Variants in SNX9 observed in about 807,000 individuals in gnomAD.
SNX9 encodes sorting nexin 9, also known as sorting nexin-9.
Under a neutral mutation model 89.4 loss-of-function variants are expected in SNX9, and 44 were observed. The observed-to-expected ratio is 0.49, with a 90% CI of 0.39 to 0.63. The LOEUF (loss-of-function observed/expected upper bound fraction) is 0.63. Ranked by LOEUF, SNX9 falls within the 30% of genes least tolerant of loss-of-function variation. The pLI is 0.00. For synonymous variants in SNX9, 236 were observed against 247.8 expected (o/e 0.95, Z 0.45); for missense variants, 578 against 736.1 (o/e 0.79, Z 2.49).
intron 14 of SNX9, among the ~76,000 whole-genome samples, chr6:157,936,402 G>A (rs1783926157): frequency 6.6e-6 from 1 of 152,228 alleles, no homozygotes; most frequent in African/African-American, 2.4e-5. Flanking sequence ...CCAGCTACTC[G>A]GGAGGCTGAG....
intron 1 of SNX9, among the ~76,000 whole-genome samples, chr6:157,832,948 G>A (rs1014693495): frequency 6.6e-6 from 1 of 152,156 alleles, no homozygotes; most frequent in Admixed American, 6.5e-5. Context: ...CAGCTCCACA[G>A]TCTGCAAGTC....
At chr6:157,888,342 GT>G (rs546978913) in intron 4 of SNX9, among the ~76,000 whole-genome samples, 142 of 152,204 alleles carry the variant, frequency 9.3e-4, no homozygotes, top group African/African-American at 2.9e-3. Flanking sequence ...TATTTTTAGG[GT>G]TTCATTAATA....
intron 1 of SNX9, among the ~76,000 whole-genome samples, chr6:157,838,817 C>CT (rs1313424308): frequency 2.6e-5 from 4 of 152,196 alleles, no homozygotes; most frequent in African/African-American, 9.7e-5. Context: ...TGGTTGTACT[C>CT]TAAAATTTTA....
intron 5 of SNX9, among the ~76,000 whole-genome samples, chr6:157,900,454 G>T (rs1199226027): frequency 6.6e-6 from 1 of 152,188 alleles, no homozygotes; most frequent in Non-Finnish European, 1.5e-5. Flanking sequence ...GGTTCTCTTT[G>T]TGTTCCCAGG....
chr6:157,931,530 CTGGAATCT>C (rs1170859706), intron 12 of SNX9, among the ~76,000 whole-genome samples: 1 of 152,140 alleles, frequency 6.6e-6, no homozygotes, highest in Admixed American at 6.5e-5. Context: ...CAAAGTGATC[CTGGAATCT>C]TAGCACCTTA....
intron 2 of SNX9, among the ~76,000 whole-genome samples, chr6:157,868,551 A>G (rs1782319215): frequency 6.6e-6 from 1 of 152,226 alleles, no homozygotes; most frequent in African/African-American, 2.4e-5. Context: ...AGAGGCAAAC[A>G]TAATATTCAT....
At chr6:157,937,679 G>A (rs974862208) in intron 15 of SNX9, among the ~76,000 whole-genome samples, 156 bp downstream of exon 15, 1 of 152,186 alleles carries the variant, frequency 6.6e-6, no homozygotes, top group Non-Finnish European at 1.5e-5. Context: ...ACATTGGTTT[G>A]GGGTGTCCTC....
intron 4 of SNX9, among the ~76,000 whole-genome samples, chr6:157,878,281 A>G (rs182584585): frequency 1.5e-4 from 23 of 152,370 alleles, no homozygotes; most frequent in East Asian, 3.9e-4. Flanking sequence ...AGTTTAGACT[A>G]GAATTGTCAG....
At chr6:157,834,962 G>C (rs1562589121) in intron 1 of SNX9, among the ~76,000 whole-genome samples, 3 of 152,230 alleles carry the variant, frequency 2.0e-5, no homozygotes, top group South Asian at 4.1e-4. Flanking sequence ...AATAGGTTGA[G>C]CTGTCTGAAT....
At chr6:157,844,600 G>GTTTTTTTGTTTTTTT (rs1781767593) in intron 1 of SNX9, among the ~76,000 whole-genome samples, 1 of 131,806 alleles carries the variant, frequency 7.6e-6, no homozygotes, top group East Asian at 2.3e-4. Flanking sequence ...TTTTTTTTTT[G>GTTTTTTTGTTTTTTT]TTTTTTTTTT....
intron 4 of SNX9, among the ~76,000 whole-genome samples, chr6:157,890,334 C>G (rs1188862188): frequency 6.6e-6 from 1 of 152,208 alleles, no homozygotes; most frequent in African/African-American, 2.4e-5. Flanking sequence ...AGCCAGTCTA[C>G]TTTCTGAAGA....
chr6:157,931,542 CA>C (rs1192406207), intron 12 of SNX9, among the ~76,000 whole-genome samples: 1 of 152,188 alleles, frequency 6.6e-6, no homozygotes, highest in Non-Finnish European at 1.5e-5. Context: ...GGAATCTTAG[CA>C]CCTTAAAAAG....
intron 1 of SNX9, among the ~76,000 whole-genome samples, chr6:157,837,845 A>G (rs1781615717): frequency 6.6e-6 from 1 of 152,226 alleles, no homozygotes; most frequent in Non-Finnish European, 1.5e-5. Context: ...CAAGGTGGCA[A>G]CTGAACTGCA....
chr6:157,882,612 A>G (rs1180102136), intron 4 of SNX9, among the ~76,000 whole-genome samples: 2 of 152,232 alleles, frequency 1.3e-5, no homozygotes, highest in South Asian at 2.1e-4. Flanking sequence ...AAATGTCAAC[A>G]TTAACAGGAG....
At chr6:157,901,874 A>C (rs778117315) in intron 5 of SNX9, 24 bp from the exon 6 acceptor site, 1 of 1,555,452 alleles carries the variant, frequency 6.4e-7, no homozygotes. Flanking sequence ...TTTTTAACTG[A>C]TGATCTTCCA....
rs2115220695 is a variant in SNX9, at chr6:157,938,630, C to T, written c.1534-3C>T. 1.9e-6 allele frequency: 3 copies of T among 1,597,502 alleles called. No individual in the cohort carries two copies. The highest frequency in any genetic ancestry group is 2.2e-5 in the South Asian group (2 of 90,686). On this transcript the variant is annotated splice_region_variant and splice_polypyrimidine_tract_variant and intron_variant, in intron 15 of 17. Coordinates refer to ENST00000392185, the MANE Select transcript of SNX9 (RefSeq NM_016224.5). ...TCATACTGTTGCATTTTATATTTCA[C>T]AGGGAGCAATAGAAAAAGTGAAAGA...
At chr6:157,855,638 T>C (rs1781995183) in intron 1 of SNX9, among the ~76,000 whole-genome samples, 1 of 151,998 alleles carries the variant, frequency 6.6e-6, no homozygotes, top group South Asian at 2.1e-4. Context: ...AACCATTCTT[T>C]TCTTACTGAC....
intron 4 of SNX9, among the ~76,000 whole-genome samples, chr6:157,891,003 T>C (rs932079596): frequency 1.3e-5 from 2 of 151,332 alleles, no homozygotes; most frequent in Non-Finnish European, 2.9e-5. Flanking sequence ...TAGTGTCACA[T>C]GCTAAAAATT....
intron 4 of SNX9, among the ~76,000 whole-genome samples, chr6:157,884,848 A>G (rs1782700368): frequency 6.6e-6 from 1 of 152,172 alleles, no homozygotes; most frequent in Admixed American, 6.5e-5. Context: ...CTGGAAACAA[A>G]CTATTAAAGC....
Sources: gnomAD v4.1 joint callset for allele counts (sites outside exome capture counted in the v4.1 genomes callset) on GRCh38, gnomAD v4.1.1 for gene constraint, MANE v1.5 for transcripts, NCBI Gene and HGNC (gene_info 2026-07-23, HGNC 2026-07-21) for gene names.